Variants in RPS6KA4 observed in about 807,000 individuals in gnomAD.
RPS6KA4 encodes the protein ribosomal protein S6 kinase A4.
RPS6KA4 carries 38 observed loss-of-function variants against 89.6 expected under a neutral mutation model. The observed-to-expected ratio is 0.42, with a 90% CI of 0.33 to 0.56. The LOEUF is 0.56. Ranked by LOEUF, RPS6KA4 falls within the 20% of genes least tolerant of loss-of-function variation. RPS6KA4 has a pLI of 0.07. For missense variants in RPS6KA4, 873 were observed against 1,098.8 expected, an observed-to-expected ratio of 0.79 and a Z score of 2.90; for synonymous variants, 495 against 492.8, an observed-to-expected ratio of 1.00 and a Z score of -0.06.
intron 9 of RPS6KA4, among the ~76,000 whole-genome samples, chr11:64,367,359 A>G (rs531717855): frequency 3.2e-4 from 48 of 152,174 alleles, no homozygotes; most frequent in African/African-American, 1.1e-3. Flanking sequence ...TGCCCAGGCT[A>G]GAGTGCAATG....
chr11:64,368,435 C>G, intron 10 of RPS6KA4, 33 bp from the exon 11 acceptor site: 2 of 1,540,896 alleles, frequency 1.3e-6, no homozygotes, highest in Non-Finnish European at 1.7e-6. Context: ...TCTGACGCGC[C>G]GCCTTCGCCT....
intron 8 of RPS6KA4, among the ~76,000 whole-genome samples, chr11:64,363,018 G>A (rs1487102693): frequency 6.6e-6 from 1 of 152,138 alleles, no homozygotes; most frequent in Non-Finnish European, 1.5e-5. Flanking sequence ...AGGAAGCTGA[G>A]GCTCCAAACA....
At chr11:64,359,550 C>T (rs573604616) in intron 2 of RPS6KA4, 101 bp downstream of exon 2, 3 of 1,276,384 alleles carry the variant, frequency 2.4e-6, no homozygotes, top group African/African-American at 2.9e-5. Flanking sequence ...GCAGGCCCCC[C>T]ACCCTTTCCC....
chr11:64,363,702 G>C (rs2036810888), intron 8 of RPS6KA4, among the ~76,000 whole-genome samples: 1 of 152,056 alleles, frequency 6.6e-6, no homozygotes, highest in South Asian at 2.1e-4. Flanking sequence ...ATGTTGGCCA[G>C]GCTGGTCTCA....
Position 64,368,217 on chromosome 11 carries a change from A to G in RPS6KA4, c.1157A>G (p.Asp386Gly), listed in dbSNP as rs1258214116. ...TDGLEAPGAG[D>G]RPGRAAVARS... ...GGGCTGGAAGCGCCTGGTGCTGGAG[A>G]CCGGCCAGGTCGGGCAGCGGTGGCC... Residue 386 changes from aspartate (D) to glycine (G), a missense_variant, in exon 10 of 17, where the codon GAC becomes GGC. By Grantham distance (94) the Asp-to-Gly change is moderately conservative. Coordinates refer to ENST00000334205, the MANE Select transcript of RPS6KA4 (RefSeq NM_003942.3). 6.2e-7 allele frequency: 1 copy of G among 1,613,548 alleles called. No individual in the cohort carries two copies. Among genetic ancestry groups the G allele is most frequent in the Admixed American group, 1.7e-5 (1 of 60,018 alleles).
chr11:64,370,424 G>C lies in RPS6KA4; in HGVS notation c.1957+40G>C, dbSNP rs778471826. ...GTCATAGACCATGGTTGGGGAGGGG[G>C]ACGCTGGGACAGGGATGGTCACTGG... On this transcript the variant is annotated intron_variant, in intron 15 of 16. Coordinates refer to ENST00000334205, the MANE Select transcript of RPS6KA4 (RefSeq NM_003942.3). This position sits in a 1 kb window ranked among gnomAD's most constrained non-coding sequence, Gnocchi z 4.1. 6.2e-7 allele frequency: 1 copy of C among 1,607,768 alleles called. No individual in the cohort carries two copies. Among genetic ancestry groups the C allele is most frequent in the Non-Finnish European group, 8.5e-7 (1 of 1,178,066 alleles).
At chr11:64,363,374 C>G (rs1206239412) in intron 8 of RPS6KA4, among the ~76,000 whole-genome samples, 2 of 152,148 alleles carry the variant, frequency 1.3e-5, no homozygotes, top group Non-Finnish European at 2.9e-5. Flanking sequence ...GTAAGCCCAC[C>G]CTTCACCTAT....
At position 64,370,777 on chromosome 11, in the gene RPS6KA4, TG is replaced by T. The variant is rs546851581; in HGVS notation, c.2121+55del. On this transcript the variant is annotated intron_variant, in intron 16 of 16. Transcript: ENST00000334205. This position sits in a 1 kb window ranked among gnomAD's most constrained non-coding sequence, Gnocchi z 4.1. ...AAGGGGTGGGCGAAGCCTCGAGAGG[TG>T]GGGTCTGGGGAGGCCCGGCCATCGG... The T allele has an allele frequency of 4.3e-5, 63 of 1,457,848 alleles. No individual in the cohort carries two copies. In the South Asian group the frequency reaches 7.8e-4, roughly 18 times the overall value. The allele number at this position is 1,457,848 out of a possible 1,614,324, so 90.3% of individuals were successfully genotyped here.
rs1055591259 is a variant in RPS6KA4 at position 64,369,845 on chromosome 11, G to A, written c.1749G>A (p.Gln583=). 6 of 1,580,246 alleles carry A rather than the reference G, an allele frequency of 3.8e-6. No homozygotes were observed. Among genetic ancestry groups the A allele is most frequent in the Middle Eastern group, 1.7e-4 (1 of 5,744 alleles). The change falls in exon 14 of 17, where the codon CAG becomes CAA. Residue 583 remains glutamine, a synonymous_variant. Coordinates refer to ENST00000334205, the MANE Select transcript of RPS6KA4 (RefSeq NM_003942.3). ...LQYAAPELLA[Q]QGYDESCDLW... ...ACGCTGCCCCCGAGCTGCTGGCGCA[G>A]CAGGGCTACGACGAGTCCTGCGACC...
intron 2 of RPS6KA4, 59 bp from the exon 3 acceptor site, chr11:64,360,104 C>G: frequency 6.8e-7 from 1 of 1,480,438 alleles, no homozygotes; most frequent in Non-Finnish European, 9.1e-7. Context: ...CCCCACCCCC[C>G]AAGCCTGCAC....
rs1306825375 is a variant in RPS6KA4 at position 64,368,933 on chromosome 11, G to A, written c.1428+136G>A. On this transcript the variant is annotated intron_variant, in intron 12 of 16. Transcript: ENST00000334205. ...CGGGGCCCAAAGGGACCAGGGAGGC[G>A]CAGGGAGTGGAATTTGAGGGGAGTA... The A allele has an allele frequency of 1.5e-5, 12 of 799,996 alleles. No homozygotes were observed. The African/African-American group carries it at 1.6e-4, about 11-fold the overall frequency. The allele number at this position is 799,996 out of a possible 1,614,324, so 49.6% of individuals were successfully genotyped here. A position where few individuals can be genotyped will look rare whatever the true frequency, so the allele number is the denominator to read the frequency against.
At position 64,359,220 on chromosome 11, in the gene RPS6KA4, C is replaced by T. The variant is rs1286751724; in HGVS notation, c.-16C>T. On this transcript the variant is annotated 5_prime_UTR_variant, in exon 1 of 17. Coordinates refer to ENST00000334205, the MANE Select transcript of RPS6KA4 (RefSeq NM_003942.3). ...CCCGGAGCCCGAGCCGCGCGGGCCC[C>T]AGCGACCCGCCCGCCATGGGGGACG... 1 of 1,345,620 alleles carries T rather than the reference C, an allele frequency of 7.4e-7. No homozygotes were observed. The highest frequency in any genetic ancestry group is 9.6e-7 in the Non-Finnish European group (1 of 1,039,314). 83.4% of individuals were successfully genotyped at this position (1,345,620 alleles called of 1,614,324 possible).
chr11:64,360,716 G>C, intron 4 of RPS6KA4, 124 bp downstream of exon 4: 3 of 839,400 alleles, frequency 3.6e-6, no homozygotes, highest in Non-Finnish European at 3.7e-6. Flanking sequence ...GGTGAGCTGG[G>C]TGGGAATTGG....
chr11:64,368,702 A>C lies in RPS6KA4; in HGVS notation c.1335-2A>C, dbSNP rs2036961978. On this transcript the variant is annotated splice_acceptor_variant, in intron 11 of 16. Transcript: ENST00000334205. LOFTEE classifies it high-confidence loss of function. ...CGTAACTCCTTCTGCTCCGTCCCCC[A>C]GGCTGGAGGCGAACACGCAGCGCGA... The C allele has an allele frequency of 6.3e-7, 1 of 1,576,978 alleles. No individual in the cohort carries two copies.
chr11:64,371,150 T>C, intron 16 of RPS6KA4, 133 bp from the exon 17 acceptor site: 1 of 594,294 alleles, frequency 1.7e-6, no homozygotes, highest in Admixed American at 3.0e-5. Flanking sequence ...AATCCGGTGG[T>C]CGGTCTGGAG....
rs374454644 is a variant in RPS6KA4, at chr11:64,368,614, A to C, written c.1334+13A>C. ...TCCTCAGTCGCAGGTGGGAGGGCCC[A>C]GGCGCGGGCAGGGGTGGGGGTGGCA... On this transcript the variant is annotated intron_variant, in intron 11 of 16. Coordinates refer to ENST00000334205, the MANE Select transcript of RPS6KA4 (RefSeq NM_003942.3). 11 of 1,558,404 alleles carry C rather than the reference A, an allele frequency of 7.1e-6. No homozygotes were observed. The South Asian group carries it at 8.0e-5, about 11-fold the overall frequency.
At chr11:64,365,195 G>C (rs1478555490) in intron 8 of RPS6KA4, 106 bp from the exon 9 acceptor site, 4 of 1,358,628 alleles carry the variant, frequency 2.9e-6, no homozygotes, top group East Asian at 2.3e-5. Flanking sequence ...CCAAATGCCA[G>C]ATGGGCCCTT....
rs947885563 is a variant in RPS6KA4, at chr11:64,359,303, C to A, written c.55+13C>A. ...CGGATCACAGAAGGTGGGTGTGGGG[C>A]CTGACTGCGGCTGCCCGGGGCAGGC... On this transcript the variant is annotated intron_variant, in intron 1 of 16. Coordinates refer to ENST00000334205, the MANE Select transcript of RPS6KA4 (RefSeq NM_003942.3). 1.9e-6 allele frequency: 3 copies of A among 1,596,534 alleles called. No homozygotes were observed. The Admixed American group carries it at 5.2e-5, about 28-fold the overall frequency.
intron 8 of RPS6KA4, among the ~76,000 whole-genome samples, chr11:64,364,988 G>A (rs1349096440): frequency 6.6e-6 from 1 of 150,886 alleles, no homozygotes; most frequent in Non-Finnish European, 1.5e-5. Context: ...CCTGACCTCA[G>A]GTGATCCAGC....
Sources: gnomAD v4.1 joint callset for allele counts (sites outside exome capture counted in the v4.1 genomes callset) on GRCh38, gnomAD v4.1.1 for gene constraint, Gnocchi (gnomAD v3.1) non-coding constraint, MANE v1.5 for transcripts, NCBI Gene and HGNC (gene_info 2026-07-23, HGNC 2026-07-21) for gene names.